The following CCT7 variants were observed in gnomAD, a reference collection of about 807,000 sequenced individuals.
The protein encoded by CCT7 is T-complex protein 1 subunit eta.
In CCT7, 16 loss-of-function variants were observed where a neutral mutation model predicts 56.6. The ratio of observed to expected loss-of-function variants is 0.28; its 90% CI spans 0.19 to 0.43. The LOEUF is 0.43. Among genes scored for constraint, CCT7 ranks in the 20% least tolerant of loss-of-function variants. The pLI is 1.00. For synonymous variants in CCT7, 262 were observed against 254.8 expected, an observed-to-expected ratio of 1.03 and a Z score of -0.27; for missense variants, 519 against 685.6, an observed-to-expected ratio of 0.76 and a Z score of 2.71.
chr2:73,237,820 C>T (rs1469530), intron 1 of CCT7: 83,536 of 152,026 alleles, frequency 0.55, 24,735 homozygotes, highest in African/African-American at 0.8. Context: ...CCTAGCACTT[C>T]AGAAGGCTGA....
At chr2:73,240,904 T>C (rs898489589) in intron 3 of CCT7, among the ~76,000 whole-genome samples, 13 of 151,584 alleles carry the variant, frequency 8.6e-5, no homozygotes, top group Admixed American at 1.3e-4. Context: ...TTCTTTCTTT[T>C]TTTTTTTTTT....
intron 6 of CCT7, among the ~76,000 whole-genome samples, chr2:73,246,514 T>C (rs779275102): frequency 1.3e-5 from 2 of 152,226 alleles, no homozygotes; most frequent in Non-Finnish European, 2.9e-5. Context: ...CCTAAATCCA[T>C]TGTACTTATT....
chr2:73,244,828 A>C (rs1687267174), intron 6 of CCT7, 113 bp downstream of exon 6: 7 of 759,364 alleles, frequency 9.2e-6, no homozygotes, highest in Non-Finnish European at 1.4e-5. Flanking sequence ...CATGTTAGGC[A>C]GGAAGTCAGA....
chr2:73,250,557 G>A (rs1687535449), intron 10 of CCT7, 119 bp downstream of exon 10: 9 of 1,184,962 alleles, frequency 7.6e-6, no homozygotes, highest in Non-Finnish European at 1.1e-5. Flanking sequence ...CCTGGGTGGT[G>A]TGGTGAGCCC....
At chr2:73,234,449 G>A (rs931251537) in intron 1 of CCT7, 65 bp downstream of exon 1, 4 of 1,585,974 alleles carry the variant, frequency 2.5e-6, no homozygotes, top group South Asian at 2.2e-5. Flanking sequence ...GCGCCGCTCG[G>A]CCTGGGCTTG....
chr2:73,239,756 G>C lies in CCT7; in HGVS notation c.120G>C (p.Leu40=). 6.2e-7 allele frequency: 1 copy of C among 1,613,940 alleles called. No individual in the cohort carries two copies. The highest frequency in any genetic ancestry group is 8.5e-7 in the Non-Finnish European group (1 of 1,179,854). ...QVIAEAVRTT[L]GPRGMDKLIV... ...TTGCTGAGGCTGTAAGAACTACCCT[G>C]GGTCCCCGTGGCATGGACAAGCTTA... Residue 40 remains leucine, a synonymous_variant, in exon 2 of 12, where the codon CTG becomes CTC. Coordinates refer to ENST00000258091, the MANE Select transcript of CCT7 (RefSeq NM_006429.4).
chr2:73,249,730 G>A, intron 8 of CCT7, 89 bp from the exon 9 acceptor site: 1 of 843,514 alleles, frequency 1.2e-6, no homozygotes, highest in African/African-American at 1.6e-5. Flanking sequence ...CTGGGGGCAT[G>A]CGTGGGAATT....
rs115773553 is a variant in CCT7, at chr2:73,244,395, A to G, written c.447-149A>G. On this transcript the variant is annotated intron_variant, in intron 5 of 11. Coordinates refer to ENST00000258091, the MANE Select transcript of CCT7 (RefSeq NM_006429.4). ...TCTTTGACTGCAGTCACCATCTGTCACTGATAATCTGCCCTAAAGATACAA... is the reference window on the plus strand; with the variant it reads ...TCTTTGACTGCAGTCACCATCTGTCGCTGATAATCTGCCCTAAAGATACAA... 16 of 661,050 alleles carry G rather than the reference A, an allele frequency of 2.4e-5. No individual in the cohort carries two copies. The East Asian group carries it at 3.3e-4, about 14-fold the overall frequency. 40.9% of individuals were successfully genotyped at this position (661,050 alleles called of 1,614,324 possible). A position where few individuals can be genotyped will look rare whatever the true frequency, so the allele number is the denominator to read the frequency against.
chr2:73,252,560 G>A lies in CCT7; in HGVS notation c.1411-80G>A, dbSNP rs890711279. ...TCAGAGAGTCTGCGGGTTCCTAGCA[G>A]TGTCTTTTGGAGTACCAGTTTACAA... On this transcript the variant is annotated intron_variant, in intron 11 of 11. Coordinates refer to ENST00000258091, the MANE Select transcript of CCT7 (RefSeq NM_006429.4). 2.0e-5 allele frequency: 22 copies of A among 1,087,334 alleles called. No homozygotes were observed. In the Admixed American group the frequency reaches 2.7e-4, roughly 14 times the overall value. 67.4% of individuals were successfully genotyped at this position (1,087,334 alleles called of 1,614,324 possible). A position where few individuals can be genotyped will look rare whatever the true frequency, so the allele number is the denominator to read the frequency against.
chr2:73,243,284 G>A, intron 4 of CCT7, 155 bp downstream of exon 4: 1 of 768,228 alleles, frequency 1.3e-6, no homozygotes, highest in Non-Finnish European at 2.1e-6. Context: ...CTACTAATCT[G>A]TAGCCATTTG....
At chr2:73,241,613 G>C (rs1391090270) in intron 3 of CCT7, among the ~76,000 whole-genome samples, 1 of 151,990 alleles carries the variant, frequency 6.6e-6, no homozygotes, top group African/African-American at 2.4e-5. Context: ...CCAGTTTAGA[G>C]TTTATCCAAT....
intron 5 of CCT7, chr2:73,244,261 C>A: frequency 1.6e-6 from 1 of 623,928 alleles, no homozygotes; most frequent in Non-Finnish European, 2.8e-6. Context: ...GCTGCAATCC[C>A]TCTATGTGCC....
intron 1 of CCT7, among the ~76,000 whole-genome samples, chr2:73,234,881 G>A (rs1434766744): frequency 6.6e-6 from 1 of 152,204 alleles, no homozygotes; most frequent in African/African-American, 2.4e-5. Flanking sequence ...GACCCTCACC[G>A]CAGCGTGCAG....
intron 1 of CCT7, among the ~76,000 whole-genome samples, chr2:73,236,895 C>T (rs1686908608): frequency 6.6e-6 from 1 of 152,194 alleles, no homozygotes; most frequent in African/African-American, 2.4e-5. Flanking sequence ...CTTCCAAGCT[C>T]TTCTTGCATT....
At chr2:73,236,393 G>C (rs1686886028) in intron 1 of CCT7, among the ~76,000 whole-genome samples, 1 of 151,742 alleles carries the variant, frequency 6.6e-6, no homozygotes, top group Admixed American at 6.6e-5. Context: ...CCAGGCTGGA[G>C]TGCAGTGGCA....
At chr2:73,242,137 C>G (rs1481381947) in intron 3 of CCT7, among the ~76,000 whole-genome samples, 3 of 149,912 alleles carry the variant, frequency 2.0e-5, no homozygotes, top group African/African-American at 4.9e-5. Context: ...TTTTTTAACT[C>G]CTGGCCAGAT....
intron 6 of CCT7, among the ~76,000 whole-genome samples, chr2:73,246,901 A>C (rs1364507697): frequency 1.3e-5 from 2 of 152,210 alleles, no homozygotes; most frequent in Admixed American, 6.5e-5. Flanking sequence ...ACAGTATTAT[A>C]GATTAGAATT....
rs1334072730 is a variant in CCT7, at chr2:73,234,400, C to T, written c.6+16C>T. The stretch of plus-strand genomic sequence containing the variant: ...CAAAATGATGGTGAGTGGCGTCTCG[C>T]GCATCCGTCGCCATCAGCTGCCATC... On this transcript the variant is annotated intron_variant, in intron 1 of 11. Transcript: ENST00000258091. 2 of 1,612,918 alleles carry T rather than the reference C, an allele frequency of 1.2e-6. No individual in the cohort carries two copies. The highest frequency in any genetic ancestry group is 2.2e-5 in the East Asian group (1 of 44,874).
intron 9 of CCT7, 66 bp from the exon 10 acceptor site, chr2:73,250,240 G>A (rs1687518658): frequency 6.3e-7 from 1 of 1,585,012 alleles, no homozygotes; most frequent in Non-Finnish European, 8.6e-7. Flanking sequence ...GGCTGGCAGT[G>A]AGGACAATAC....
Sources: allele counts gnomAD v4.1 joint callset (sites outside exome capture counted in the v4.1 genomes callset), GRCh38; gene constraint gnomAD v4.1.1; transcripts MANE v1.5; gene names NCBI Gene and HGNC (gene_info 2026-07-23, HGNC 2026-07-21).